The following GAREM1 variants were observed in gnomAD, a reference collection of about 807,000 sequenced individuals.
GAREM1 encodes the protein GRB2 associated regulator of MAPK1 subtype 1.
In GAREM1, 26 loss-of-function variants were observed where a neutral mutation model predicts 71.3. The ratio of observed to expected loss-of-function variants is 0.36; its 90% CI spans 0.27 to 0.51. The LOEUF (loss-of-function observed/expected upper bound fraction) is 0.51. GAREM1 is among the 20% of genes least tolerant of loss of function. GAREM1 has a pLI of 0.95. For synonymous variants in GAREM1, 440 were observed against 433.2 expected, an observed-to-expected ratio of 1.02 and a Z score of -0.20; for missense variants, 1,026 against 1,103.1, an observed-to-expected ratio of 0.93 and a Z score of 0.99.
chr18:32,429,371 A>G (rs1001305796), intron 1 of GAREM1, among the ~76,000 whole-genome samples: 6 of 152,344 alleles, frequency 3.9e-5, no homozygotes, highest in Admixed American at 2.6e-4. Flanking sequence ...TATTTCTATC[A>G]TAAGAATCAA....
intron 3 of GAREM1, among the ~76,000 whole-genome samples, chr18:32,295,938 G>T (rs1040715537): frequency 1.3e-5 from 2 of 151,844 alleles, no homozygotes; most frequent in African/African-American, 4.8e-5. Flanking sequence ...TCAAGCCTAG[G>T]AATTTAAATA....
At chr18:32,297,231 T>C (rs2047150623) in intron 3 of GAREM1, among the ~76,000 whole-genome samples, 1 of 152,230 alleles carries the variant, frequency 6.6e-6, no homozygotes, top group Admixed American at 6.5e-5. Context: ...CTTTGGAAAC[T>C]GACAGATACA....
chr18:32,371,284 A>G (rs1351336529), intron 2 of GAREM1, among the ~76,000 whole-genome samples: 1 of 152,220 alleles, frequency 6.6e-6, no homozygotes, highest in African/African-American at 2.4e-5. Context: ...GGAGATCCAC[A>G]AAAGAATTTA....
intron 4 of GAREM1, among the ~76,000 whole-genome samples, chr18:32,275,227 C>A (rs933340484): frequency 1.3e-5 from 2 of 152,144 alleles, no homozygotes; most frequent in Non-Finnish European, 2.9e-5. Context: ...ATCTAGCACA[C>A]CCCAGAGTAA....
rs542791469 is a variant in GAREM1 at position 32,372,855 on chromosome 18, G to T, written c.262+20040C>A. 3.0e-3 allele frequency among the ~76,000 whole-genome samples: 461 copies of T among 152,312 alleles called. 4 individuals carry two copies. The highest frequency in any genetic ancestry group is 0.011 in the African/African-American group (439 of 41,566). ...CTTCCGGAAAACAGAACAGGACATG[G>T]GGTGGTTCCTGTAGAAAACTGGGGG... On this transcript the variant is annotated intron_variant, in intron 2 of 5. Coordinates refer to ENST00000269209, the MANE Select transcript of GAREM1 (RefSeq NM_001242409.2).
intron 1 of GAREM1, among the ~76,000 whole-genome samples, chr18:32,393,788 G>T (rs150688208): frequency 5.2e-4 from 79 of 152,224 alleles, no homozygotes; most frequent in Middle Eastern, 3.4e-3. Flanking sequence ...TTTCAAAAGA[G>T]AAATTCATTT....
chr18:32,361,713 A>G (rs1391610518), intron 2 of GAREM1, among the ~76,000 whole-genome samples: 1 of 152,224 alleles, frequency 6.6e-6, no homozygotes, highest in Admixed American at 6.5e-5. Flanking sequence ...TATTTTAGAA[A>G]AATTTGTAAA....
intron 2 of GAREM1, among the ~76,000 whole-genome samples, chr18:32,378,058 G>GCA (rs71266916): frequency 6.9e-5 from 9 of 131,272 alleles, no homozygotes; most frequent in Non-Finnish European, 1.3e-4. Flanking sequence ...GTGTGTGTGT[G>GCA]CGCGCGGGCG....
At chr18:32,407,676 T>G (rs1386913465) in intron 1 of GAREM1, among the ~76,000 whole-genome samples, 2 of 152,076 alleles carry the variant, frequency 1.3e-5, no homozygotes, top group Non-Finnish European at 2.9e-5. Context: ...TCTTTCTGAT[T>G]GAGGGAATGT....
At chr18:32,370,807 C>T (rs1023726154) in intron 2 of GAREM1, among the ~76,000 whole-genome samples, 1 of 151,734 alleles carries the variant, frequency 6.6e-6, no homozygotes, top group Non-Finnish European at 1.5e-5. Context: ...CTAATACTAA[C>T]GTTAAGATTA....
intron 1 of GAREM1, among the ~76,000 whole-genome samples, chr18:32,408,605 T>G (rs1352473260): frequency 6.6e-6 from 1 of 152,278 alleles, no homozygotes; most frequent in Admixed American, 6.5e-5. Flanking sequence ...CTGCACAGAC[T>G]GTGGCTTCTG....
intron 1 of GAREM1, among the ~76,000 whole-genome samples, chr18:32,438,987 C>T (rs1237995292): frequency 6.6e-6 from 1 of 152,190 alleles, no homozygotes; most frequent in African/African-American, 2.4e-5. Flanking sequence ...AGTAAGGACT[C>T]TGGTGGTAAG....
chr18:32,360,530 G>A (rs548424214), intron 2 of GAREM1, among the ~76,000 whole-genome samples: 1 of 152,134 alleles, frequency 6.6e-6, no homozygotes, highest in Admixed American at 6.6e-5. Flanking sequence ...TTTATTAGAG[G>A]ACCCTCAAAT....
chr18:32,401,793 T>G (rs2144672180), intron 1 of GAREM1, among the ~76,000 whole-genome samples: 1 of 152,352 alleles, frequency 6.6e-6, no homozygotes, highest in South Asian at 2.1e-4. Context: ...AAAAACTGTT[T>G]TAATTTTATC....
chr18:32,381,691 A>G (rs1213323554), intron 2 of GAREM1, among the ~76,000 whole-genome samples: 1 of 152,184 alleles, frequency 6.6e-6, no homozygotes, highest in African/African-American at 2.4e-5. Context: ...GAGGGAGGAC[A>G]CTTGCCTTCA....
chr18:32,416,088 C>G (rs1328977097), intron 1 of GAREM1, among the ~76,000 whole-genome samples: 1 of 151,876 alleles, frequency 6.6e-6, no homozygotes, highest in Non-Finnish European at 1.5e-5. Context: ...AGTGAACAAT[C>G]TGAAAAATAA....
intron 2 of GAREM1, among the ~76,000 whole-genome samples, chr18:32,359,844 G>C (rs1231722262): frequency 6.6e-6 from 1 of 151,892 alleles, no homozygotes; most frequent in Non-Finnish European, 1.5e-5. Context: ...GAGGATGGCT[G>C]GAGCCCAGCA....
Position 32,304,444 on chromosome 18 carries a change from C to T in GAREM1, c.393+5749G>A, listed in dbSNP as rs1195896760. On this transcript the variant is annotated intron_variant, in intron 3 of 5. Coordinates refer to ENST00000269209, the MANE Select transcript of GAREM1 (RefSeq NM_001242409.2). ...TTCTATGTTCTGAACCAAGGATTTG[C>T]AAACCTTATCTTACAGGTCAAGATG... Among the ~76,000 whole-genome samples, 5 of 152,214 alleles carry T rather than the reference C, an allele frequency of 3.3e-5. No homozygotes were observed. The East Asian group carries it at 7.7e-4, about 23-fold the overall frequency.
intron 1 of GAREM1, among the ~76,000 whole-genome samples, chr18:32,432,118 G>A (rs2048630253): frequency 6.6e-6 from 1 of 152,114 alleles, no homozygotes; most frequent in Non-Finnish European, 1.5e-5. Flanking sequence ...CATCAGGAAT[G>A]AAGGAAGAAT....
Sources: allele counts gnomAD v4.1 joint callset (sites outside exome capture counted in the v4.1 genomes callset), GRCh38; gene constraint gnomAD v4.1.1; transcripts MANE v1.5; gene names NCBI Gene and HGNC (gene_info 2026-07-23, HGNC 2026-07-21).